FAM149A: variants seen among roughly 807,000 people sequenced by gnomAD.
The protein encoded by FAM149A is family with sequence similarity 149 member A, also known as protein FAM149A.
A neutral mutation model predicts 78.2 loss-of-function variants in FAM149A; 71 were observed. That is an observed-to-expected ratio of 0.91 (90% CI 0.75 to 1.11). The LOEUF is 1.11. Among genes scored for constraint, FAM149A ranks in the 50% least tolerant of loss-of-function variants. The pLI is 0.00. For missense variants in FAM149A, 1,036 were observed against 971.0 expected (o/e 1.07, Z -0.89); for synonymous variants, 446 against 410.5 (o/e 1.09, Z -1.04).
intron 8 of FAM149A, 122 bp downstream of exon 8, chr4:186,157,841 G>C (rs2126500059): frequency 6.4e-7 from 1 of 1,554,832 alleles, no homozygotes. Flanking sequence ...TGCCCGCAGA[G>C]GGGTCCATGC....
At chr4:186,118,161 C>T (rs1434709092) in intron 1 of FAM149A, 3 of 985,244 alleles carry the variant, frequency 3.0e-6, no homozygotes, top group African/African-American at 3.5e-5. Context: ...GGTGAACACA[C>T]ACAGTGATCA....
chr4:186,153,824 A>G, intron 5 of FAM149A, 54 bp downstream of exon 5: 1 of 1,549,466 alleles, frequency 6.5e-7, no homozygotes, highest in Non-Finnish European at 8.8e-7. Context: ...TTTTAGTTAT[A>G]CTTTTTCATG....
At chr4:186,109,173 A>C (rs2099310176) in intron 1 of FAM149A, 2 of 985,368 alleles carry the variant, frequency 2.0e-6, no homozygotes, top group East Asian at 1.1e-4. Context: ...TTGTTCTGCA[A>C]ATGTAAGAAT....
chr4:186,123,425 A>G, intron 1 of FAM149A: 2 of 949,338 alleles, frequency 2.1e-6, no homozygotes, highest in Non-Finnish European at 2.5e-6. Context: ...TTGTTCCTGT[A>G]TGTTCTTGCT....
At position 186,104,744 on chromosome 4, in the gene FAM149A, G is replaced by GGGCGGCT. The variant is rs2099308061; in HGVS notation, c.-327_-326insTGGCGGC. Among the ~76,000 whole-genome samples, 1 of 46,396 alleles carries GGGCGGCT rather than the reference G, an allele frequency of 2.2e-5. No homozygotes were observed. Among genetic ancestry groups the GGGCGGCT allele is most frequent in the Non-Finnish European group, 7.1e-5 (1 of 14,152 alleles). The allele number at this position is 46,396 out of a possible 152,430, so 30.4% of individuals were successfully genotyped here. A position where few individuals can be genotyped will look rare whatever the true frequency, so the allele number is the denominator to read the frequency against. ...CGGGTGTGTTGAACGTAGCAACCGC[G>GGGCGGCT]GGCGGCGGGCGGCGGGCGGCGGGCG... On this transcript the variant is annotated 5_prime_UTR_variant, in exon 1 of 14. Transcript: ENST00000389354.
Position 186,105,443 on chromosome 4 carries a change from C to T in FAM149A, c.367C>T (p.Leu123=). The T allele has an allele frequency of 8.2e-7, 1 of 1,215,738 alleles. No homozygotes were observed. Among genetic ancestry groups the T allele is most frequent in the South Asian group, 1.4e-5 (1 of 71,336 alleles). 75.3% of individuals were successfully genotyped at this position (1,215,738 alleles called of 1,614,324 possible). ...CGGCGGGGGCTGCTCCCCTGCTCGC[C>T]TGGTGGTCCCAGCGCGGCCGCCCTC... The change falls in exon 1 of 14, where the codon CTG becomes TTG. Residue 123 remains leucine, a synonymous_variant. Transcript: ENST00000389354.
chr4:186,110,252 TGAA>T (rs2099310639), intron 1 of FAM149A: 1 of 985,304 alleles, frequency 1.0e-6, no homozygotes, highest in African/African-American at 1.7e-5. Context: ...ATGTCTTTCT[TGAA>T]GAATAATTAT....
intron 1 of FAM149A, 52 bp downstream of exon 1, chr4:186,105,694 C>T (rs890751772): frequency 9.8e-7 from 1 of 1,019,808 alleles, no homozygotes; most frequent in African/African-American, 1.7e-5. Flanking sequence ...GACCCCCGAC[C>T]CCTCCGCCTG....
intron 4 of FAM149A, chr4:186,153,124 T>G (rs1174006859): frequency 4.1e-6 from 1 of 245,408 alleles, no homozygotes; most frequent in East Asian, 1.8e-4. Flanking sequence ...CTGGGGATGA[T>G]CACTCACCAG....
intron 1 of FAM149A, among the ~76,000 whole-genome samples, chr4:186,113,698 G>C (rs1181181637): frequency 1.3e-5 from 2 of 150,712 alleles, no homozygotes; most frequent in African/African-American, 2.4e-5. Context: ...ATGTAGTTGA[G>C]CGGTTTTGAG....
chr4:186,108,242 AGT>A (rs79535578), intron 1 of FAM149A, among the ~76,000 whole-genome samples: 38,497 of 151,880 alleles, frequency 0.25, 5,519 homozygotes, highest in East Asian at 0.51. Context: ...AAGTTTAAAG[AGT>A]GATGAGAATG....
At chr4:186,136,295 T>C (rs906852324) in intron 1 of FAM149A, among the ~76,000 whole-genome samples, 8 of 152,202 alleles carry the variant, frequency 5.3e-5, no homozygotes, top group African/African-American at 1.7e-4. Context: ...AGATTATTCT[T>C]TTTTCACTTT....
At chr4:186,118,335 G>A (rs936051015) in intron 1 of FAM149A, 7 of 631,892 alleles carry the variant, frequency 1.1e-5, no homozygotes, top group Non-Finnish European at 1.4e-5. Context: ...CAGTTACCAG[G>A]TAGCTACTTG....
rs1441512457 is a variant in FAM149A at position 186,160,326 on chromosome 4, CACACACCACACACAA to C, written c.1576-2504_1576-2490del. ...CCACACAAACACACCACACACCAAA[CACACACCACACACAA>C]ACACACCACACACACAGAAAATACA... On this transcript the variant is annotated intron_variant, in intron 8 of 13. Coordinates refer to ENST00000389354, the MANE Select transcript of FAM149A (RefSeq NM_001367768.3). Among the ~76,000 whole-genome samples the C allele has an allele frequency of 1.2e-3, 173 of 145,712 alleles. 1 individual carries two copies. The highest frequency in any genetic ancestry group is 4.2e-3 in the Middle Eastern group (1 of 236).
chr4:186,138,912 C>G (rs73873732), intron 1 of FAM149A, among the ~76,000 whole-genome samples: 5,175 of 152,248 alleles, frequency 0.034, 259 homozygotes, highest in African/African-American at 0.11. Flanking sequence ...CCATACTGCA[C>G]TCTTGGAGAA....
At chr4:186,130,377 T>TTGTG (rs2099320291) in intron 1 of FAM149A, among the ~76,000 whole-genome samples, 1 of 143,974 alleles carries the variant, frequency 6.9e-6, no homozygotes, top group Non-Finnish European at 1.5e-5. Context: ...GTAACAGTAA[T>TTGTG]TGTGTATAAT....
chr4:186,132,809 T>C (rs1181200224), intron 1 of FAM149A: 1 of 192,930 alleles, frequency 5.2e-6, no homozygotes, highest in African/African-American at 2.4e-5. Context: ...AAAGGAAAGA[T>C]AGTTTCTTGC....
In FAM149A at chr4:186,105,409, C is replaced by G. The variant is rs1354928605; in HGVS notation, c.333C>G (p.Pro111=). The change falls in exon 1 of 14, where the codon CCC becomes CCG. Residue 111 remains proline (P), a synonymous_variant. Coordinates refer to ENST00000389354, the MANE Select transcript of FAM149A (RefSeq NM_001367768.3). ...CGGGTAAAGCCCCGCCCCAGCCCCC[C>G]ACTCCCTCCGGCGGGGGCTGCTCCC... 8.4e-7 allele frequency: 1 copy of G among 1,186,670 alleles called. No homozygotes were observed. Among genetic ancestry groups the G allele is most frequent in the Admixed American group, 3.8e-5 (1 of 26,336 alleles). 73.5% of individuals were successfully genotyped at this position (1,186,670 alleles called of 1,614,324 possible). A position where few individuals can be genotyped will look rare whatever the true frequency, so the allele number is the denominator to read the frequency against.
intron 4 of FAM149A, chr4:186,153,362 C>A: frequency 1.0e-6 from 1 of 955,128 alleles, no homozygotes; most frequent in Non-Finnish European, 1.2e-6. Flanking sequence ...GATCTCTAAG[C>A]CATTCATCAG....
Sources: allele counts gnomAD v4.1 joint callset (sites outside exome capture counted in the v4.1 genomes callset), GRCh38; gene constraint gnomAD v4.1.1; transcripts MANE v1.5; gene names NCBI Gene and HGNC (gene_info 2026-07-23, HGNC 2026-07-21).